Variants in LGSN observed in about 807,000 individuals in gnomAD.
LGSN encodes lengsin.
In LGSN, 21 loss-of-function variants were observed where a neutral mutation model predicts 19.5. That is an observed-to-expected ratio of 1.07 (90% confidence interval 0.76 to 1.55). The LOEUF is 1.55. Ranked by LOEUF, LGSN falls within the 40% of genes most tolerant of loss-of-function variation. The probability of loss-of-function intolerance (pLI) is 0.00; values close to 1 mark genes in which losing one functional copy is unlikely to be tolerated. For synonymous variants in LGSN, 257 were observed against 215.6 expected (o/e 1.19, Z -1.68); for missense variants, 673 against 608.5 (o/e 1.11, Z -1.12).
the LGSN span, among the ~76,000 whole-genome samples, chr6:63,417,491 T>C: frequency 6.6e-6 from 1 of 152,222 alleles, no homozygotes; most frequent in Admixed American, 6.5e-5. Flanking sequence ...GAATTCACTT[T>C]TTACCCTTTC....
chr6:63,512,637 A>T, the LGSN span, among the ~76,000 whole-genome samples: 4 of 152,232 alleles, frequency 2.6e-5, no homozygotes, highest in Admixed American at 6.5e-5. Context: ...AGCTTAGATC[A>T]ATTAAGATAG....
chr6:63,388,579 GC>G, the LGSN span, among the ~76,000 whole-genome samples: 1 of 152,154 alleles, frequency 6.6e-6, no homozygotes, highest in African/African-American at 2.4e-5. Flanking sequence ...CCATTGACAA[GC>G]CAAGGAGAGA....
the LGSN span, chr6:63,395,381 GA>G: frequency 6.6e-6 from 1 of 152,262 alleles, no homozygotes; most frequent in Non-Finnish European, 1.5e-5. Flanking sequence ...GGGCTTCCTG[GA>G]ACTCCCTTCT....
At chr6:63,330,818 C>T in the LGSN span, among the ~76,000 whole-genome samples, 448 of 152,320 alleles carry the variant, frequency 2.9e-3, 3 homozygotes, top group African/African-American at 0.01. Flanking sequence ...TATCTCCAAA[C>T]TCTCGGGCTG....
At chr6:63,316,477 T>G (rs567843447) in intron 1 of LGSN, among the ~76,000 whole-genome samples, 1 of 152,052 alleles carries the variant, frequency 6.6e-6, no homozygotes. Flanking sequence ...AAAAACATAA[T>G]TTTACAAAGG....
At chr6:63,457,226 C>A in the LGSN span, among the ~76,000 whole-genome samples, 2 of 152,168 alleles carry the variant, frequency 1.3e-5, no homozygotes, top group African/African-American at 4.8e-5. Context: ...ATAGTTTGGA[C>A]CGGGCGTGGT....
chr6:63,361,775 T>C, the LGSN span, among the ~76,000 whole-genome samples: 8 of 152,258 alleles, frequency 5.3e-5, no homozygotes, highest in South Asian at 1.0e-3. Flanking sequence ...GCTGGAGCTG[T>C]TCCTATTCGA....
chr6:63,470,627 T>A, the LGSN span, among the ~76,000 whole-genome samples: 2 of 152,174 alleles, frequency 1.3e-5, no homozygotes, highest in African/African-American at 2.4e-5. Flanking sequence ...GGCATTTTTA[T>A]CCGCACCCAT....
At chr6:63,495,456 CTTTTTTTTTT>C in the LGSN span, among the ~76,000 whole-genome samples, 28 of 77,746 alleles carry the variant, frequency 3.6e-4, no homozygotes, top group Middle Eastern at 0.012. Context: ...TTTTCTTTTT[CTTTTTTTTTT>C]TTTTTTTTTT....
the LGSN span, among the ~76,000 whole-genome samples, chr6:63,484,673 T>C: frequency 6.6e-6 from 1 of 152,226 alleles, no homozygotes; most frequent in African/African-American, 2.4e-5. Context: ...TAGTTTCAGA[T>C]TGGCACTGCA....
the LGSN span, among the ~76,000 whole-genome samples, chr6:63,411,520 T>A: frequency 3.3e-5 from 5 of 152,140 alleles, no homozygotes; most frequent in Non-Finnish European, 7.4e-5. Flanking sequence ...TAAAATTAAT[T>A]TTTATTGAGG....
chr6:63,518,853 G>A, the LGSN span, among the ~76,000 whole-genome samples: 4 of 152,110 alleles, frequency 2.6e-5, no homozygotes, highest in Admixed American at 1.3e-4. Context: ...TCAAAGAAAA[G>A]GTAACTCTTG....
chr6:63,480,994 C>CATACAT, the LGSN span, among the ~76,000 whole-genome samples: 4 of 119,156 alleles, frequency 3.4e-5, no homozygotes, highest in African/African-American at 1.2e-4. Context: ...TATACACACA[C>CATACAT]ACATACATAC....
At chr6:63,354,299 T>A in the LGSN span, among the ~76,000 whole-genome samples, 3 of 151,692 alleles carry the variant, frequency 2.0e-5, no homozygotes, top group South Asian at 4.2e-4. Flanking sequence ...GCAAAAAAAA[T>A]AAATAAATAA....
At chr6:63,458,760 C>T in the LGSN span, among the ~76,000 whole-genome samples, 3 of 152,092 alleles carry the variant, frequency 2.0e-5, no homozygotes, top group Admixed American at 6.6e-5. Context: ...GTATGTTTTT[C>T]GAAGTGTTAA....
the LGSN span, among the ~76,000 whole-genome samples, chr6:63,420,751 C>A: frequency 3.9e-5 from 6 of 151,988 alleles, no homozygotes; most frequent in Non-Finnish European, 4.4e-5. Context: ...ATTCATCATA[C>A]CAAGAACCAG....
chr6:63,298,797 G>T (rs1005111873), intron 1 of LGSN, among the ~76,000 whole-genome samples: 2 of 152,072 alleles, frequency 1.3e-5, no homozygotes, highest in Admixed American at 1.3e-4. Flanking sequence ...AAAAATGAAG[G>T]CTCCCAAATT....
At chr6:63,348,224 T>C in the LGSN span, among the ~76,000 whole-genome samples, 1 of 151,978 alleles carries the variant, frequency 6.6e-6, no homozygotes, top group Admixed American at 6.6e-5. Flanking sequence ...GAGGCAGAAA[T>C]GGGCAGATCA....
intron 1 of LGSN, among the ~76,000 whole-genome samples, chr6:63,295,468 A>C (rs961732417): frequency 1.3e-5 from 2 of 152,136 alleles, no homozygotes; most frequent in Non-Finnish European, 2.9e-5. Context: ...CATCTGAAGA[A>C]TTGTATTCTC....
Sources: gnomAD v4.1 joint callset for allele counts (sites outside exome capture counted in the v4.1 genomes callset) on GRCh38, gnomAD v4.1.1 for gene constraint, MANE v1.5 for transcripts, NCBI Gene and HGNC (gene_info 2026-07-23, HGNC 2026-07-21) for gene names.